The following NCAM2 variants were observed in gnomAD, a reference collection of about 807,000 sequenced individuals.
NCAM2 encodes neural cell adhesion molecule 2.
Under a neutral mutation model 98.1 loss-of-function variants are expected in NCAM2, and 30 were observed. The observed-to-expected ratio is 0.31, with a 90% CI of 0.23 to 0.41. NCAM2 has a LOEUF of 0.41. Among genes scored for constraint, NCAM2 ranks in the 10% least tolerant of loss-of-function variants. The probability of loss-of-function intolerance (pLI) is 1.00; values close to 1 mark genes in which losing one functional copy is unlikely to be tolerated. For missense variants in NCAM2, 867 were observed against 1,005.8 expected (o/e 0.86, Z 1.87); for synonymous variants, 368 against 342.4 (o/e 1.07, Z -0.83).
chr21:21,377,768 C>G (rs1322001977), intron 9 of NCAM2, among the ~76,000 whole-genome samples: 1 of 151,826 alleles, frequency 6.6e-6, no homozygotes, highest in Non-Finnish European at 1.5e-5. Flanking sequence ...TATGCAATAA[C>G]TCTCAAAACC....
intron 1 of NCAM2, among the ~76,000 whole-genome samples, chr21:21,150,250 T>A (rs1348380887): frequency 6.6e-6 from 1 of 152,118 alleles, no homozygotes; most frequent in African/African-American, 2.4e-5. Context: ...ATTCTTATAG[T>A]TTTTTAAAAT....
intron 1 of NCAM2, among the ~76,000 whole-genome samples, chr21:21,002,989 T>TA (rs1266680365): frequency 6.6e-6 from 1 of 152,158 alleles, no homozygotes; most frequent in Non-Finnish European, 1.5e-5. Context: ...AAATGTAAAA[T>TA]TCCTGCACTT....
chr21:21,537,891 A>G lies in NCAM2; in HGVS notation c.2448A>G (p.Pro816=). 6.3e-7 allele frequency: 1 copy of G among 1,581,952 alleles called. No individual in the cohort carries two copies. The highest frequency in any genetic ancestry group is 8.6e-7 in the Non-Finnish European group (1 of 1,165,106). Residue 816 remains proline, a synonymous_variant, in exon 18 of 18, where the codon CCA becomes CCG. Coordinates refer to ENST00000400546, the MANE Select transcript of NCAM2 (RefSeq NM_004540.5). ...AAGATGGGAAAGAAGCTCTAAATCC[A>G]GAAACTATAGAAATTAAAGTTTCTA... ...KEEDGKEALN[P]ETIEIKVSND... is the part of the protein sequence containing the mutation.
intron 1 of NCAM2, among the ~76,000 whole-genome samples, chr21:21,110,847 A>G (rs1184566744): frequency 2.0e-5 from 3 of 152,004 alleles, no homozygotes; most frequent in South Asian, 2.1e-4. Flanking sequence ...TTTTAATTCA[A>G]TTAAATACAG....
chr21:21,288,279 G>A lies in NCAM2; in HGVS notation c.481+1867G>A, dbSNP rs185623366. Among the ~76,000 whole-genome samples, 12 of 151,840 alleles carry A rather than the reference G, an allele frequency of 7.9e-5. No homozygotes were observed. In the East Asian group the frequency reaches 9.7e-4, roughly 12 times the overall value. On this transcript the variant is annotated intron_variant, in intron 4 of 17. Coordinates refer to ENST00000400546, the MANE Select transcript of NCAM2 (RefSeq NM_004540.5). ...GAATGTGGAATCCATGGATATGGGG[G>A]GTCAGCTATACTTCATTTGTTAAGT...
rs566022645 is a variant in NCAM2, at chr21:21,499,819, A to G, written c.2078-9032A>G. ...ATATGTATATCACCATTTTACCAAC[A>G]ATGAAACTGGGAATGAAACAACAAT... On this transcript the variant is annotated intron_variant, in intron 15 of 17. Coordinates refer to ENST00000400546, the MANE Select transcript of NCAM2 (RefSeq NM_004540.5). Among the ~76,000 whole-genome samples, 270 of 152,298 alleles carry G rather than the reference A, an allele frequency of 1.8e-3. 1 individual carries two copies. The highest frequency in any genetic ancestry group is 2.9e-3 in the Non-Finnish European group (198 of 68,024).
intron 1 of NCAM2, among the ~76,000 whole-genome samples, chr21:21,178,794 A>C (rs1035172811): frequency 6.6e-6 from 1 of 151,920 alleles, no homozygotes; most frequent in African/African-American, 2.4e-5. Flanking sequence ...TTTAATATTT[A>C]TTTTCTAAAA....
chr21:21,264,697 A>G (rs559220768), intron 1 of NCAM2, among the ~76,000 whole-genome samples: 3 of 149,584 alleles, frequency 2.0e-5, no homozygotes, highest in East Asian at 2.0e-4. Flanking sequence ...ACACACATAC[A>G]TACACACACA....
At chr21:21,453,393 T>G (rs933589717) in intron 12 of NCAM2, among the ~76,000 whole-genome samples, 1 of 151,804 alleles carries the variant, frequency 6.6e-6, no homozygotes, top group Non-Finnish European at 1.5e-5. Flanking sequence ...TGGAATGGCA[T>G]GATCAGAGAG....
intron 1 of NCAM2, among the ~76,000 whole-genome samples, chr21:21,038,501 CTGT>C (rs1278683213): frequency 6.6e-6 from 1 of 152,068 alleles, no homozygotes; most frequent in Non-Finnish European, 1.5e-5. Context: ...TACCCTCATG[CTGT>C]TGTTGTGATA....
At chr21:21,478,986 C>T (rs189562341) in intron 15 of NCAM2, among the ~76,000 whole-genome samples, 9 of 152,166 alleles carry the variant, frequency 5.9e-5, no homozygotes, top group Middle Eastern at 3.4e-3. Context: ...GTAATGAATA[C>T]GTATGTGGTA....
rs372917830 is a variant in NCAM2 at position 21,348,947 on chromosome 21, A to G, written c.1044+10413A>G. Among the ~76,000 whole-genome samples, 9 of 152,276 alleles carry G rather than the reference A, an allele frequency of 5.9e-5. No individual in the cohort carries two copies. The East Asian group carries it at 1.7e-3, about 29-fold the overall frequency. ...CACAAAAATCCAATCAAAATGGATT[A>G]AAGACTTAAATCTAAGACCTCAACT... On this transcript the variant is annotated intron_variant, in intron 8 of 17. Coordinates refer to ENST00000400546, the MANE Select transcript of NCAM2 (RefSeq NM_004540.5).
intron 1 of NCAM2, among the ~76,000 whole-genome samples, chr21:21,140,234 A>C (rs922666237): frequency 1.3e-5 from 2 of 152,194 alleles, no homozygotes; most frequent in African/African-American, 4.8e-5. Context: ...AGACAGCTTG[A>C]AAAATAAGTG....
At chr21:21,322,282 T>C (rs232460) in intron 5 of NCAM2, among the ~76,000 whole-genome samples, 103,936 of 151,916 alleles carry the variant, frequency 0.68, 36,330 homozygotes, top group Non-Finnish European at 0.78. Flanking sequence ...ATGGCAGCAA[T>C]AGACACTGAG....
intron 5 of NCAM2, among the ~76,000 whole-genome samples, chr21:21,317,171 T>C (rs2074247946): frequency 1.3e-5 from 2 of 152,130 alleles, no homozygotes; most frequent in Admixed American, 6.5e-5. Flanking sequence ...CCCTCTCAGA[T>C]TCTTCACTCT....
At chr21:21,173,713 C>A (rs2068192839) in intron 1 of NCAM2, among the ~76,000 whole-genome samples, 1 of 152,154 alleles carries the variant, frequency 6.6e-6, no homozygotes, top group Admixed American at 6.5e-5. Context: ...AATCATCCTA[C>A]ATCTTTGGAA....
chr21:21,520,652 A>G (rs534719171), intron 16 of NCAM2, among the ~76,000 whole-genome samples: 7 of 152,298 alleles, frequency 4.6e-5, no homozygotes, highest in African/African-American at 1.7e-4. Context: ...ACAAACTGAA[A>G]TCAACAATTC....
intron 1 of NCAM2, among the ~76,000 whole-genome samples, chr21:21,021,461 T>G (rs1309633798): frequency 3.3e-5 from 5 of 152,166 alleles, no homozygotes; most frequent in African/African-American, 1.2e-4. Context: ...CTTAGAGAAC[T>G]TGTTTAGAGA....
chr21:21,238,622 A>T (rs1004068531), intron 1 of NCAM2, among the ~76,000 whole-genome samples: 1 of 98 alleles, frequency 0.01, no homozygotes, highest in Non-Finnish European at 0.024. Flanking sequence ...TGGTGTGCCA[A>T]TACTCTTTTC....
Sources: gnomAD v4.1 joint callset for allele counts (sites outside exome capture counted in the v4.1 genomes callset) on GRCh38, gnomAD v4.1.1 for gene constraint, MANE v1.5 for transcripts, NCBI Gene and HGNC (gene_info 2026-07-23, HGNC 2026-07-21) for gene names.